Variants in ARHGAP24 observed in about 807,000 individuals in gnomAD.
ARHGAP24 encodes Rho GTPase activating protein 24, also known as rho GTPase-activating protein 24.
ARHGAP24 carries 50 observed loss-of-function variants against 76.4 expected under a neutral mutation model. The ratio of observed to expected loss-of-function variants is 0.65; its 90% confidence interval spans 0.52 to 0.83. The LOEUF is 0.83. Among genes scored for constraint, ARHGAP24 ranks in the 40% least tolerant of loss-of-function variants. The pLI is 0.00. For missense variants in ARHGAP24, 930 were observed against 914.2 expected (o/e 1.02, Z -0.22); for synonymous variants, 345 against 323.3 (o/e 1.07, Z -0.72).
chr4:85,626,318 C>T (rs1720952339), intron 2 of ARHGAP24, among the ~76,000 whole-genome samples: 2 of 152,210 alleles, frequency 1.3e-5, no homozygotes, highest in East Asian at 3.9e-4. Context: ...TTTATTTCTC[C>T]TTCACTTATG....
At chr4:85,577,195 A>G (rs989583436) in intron 2 of ARHGAP24, among the ~76,000 whole-genome samples, 2 of 149,088 alleles carry the variant, frequency 1.3e-5, no homozygotes. Flanking sequence ...GATTCTAGGA[A>G]ATATATATAT....
At chr4:85,770,073 C>T (rs2110078274) in intron 3 of ARHGAP24, among the ~76,000 whole-genome samples, 1 of 152,274 alleles carries the variant, frequency 6.6e-6, no homozygotes, top group African/African-American at 2.4e-5. Flanking sequence ...GCCAATAGCC[C>T]AGCACTGATG....
At chr4:85,623,265 A>T (rs986828764) in intron 2 of ARHGAP24, among the ~76,000 whole-genome samples, 11 of 152,080 alleles carry the variant, frequency 7.2e-5, no homozygotes, top group Admixed American at 7.2e-4. Context: ...TCTTGAATTA[A>T]TTTTTGTATA....
In ARHGAP24 at chr4:85,811,871, A is replaced by G. The variant is rs147343919; in HGVS notation, c.268+89899A>G. Among the ~76,000 whole-genome samples, 4 of 152,282 alleles carry G rather than the reference A, an allele frequency of 2.6e-5. No individual in the cohort carries two copies. In the East Asian group the frequency reaches 7.7e-4, roughly 29 times the overall value. Reference sequence around the variant, plus strand: ...GCTGGTAACATAATTAGTTTTTTCTACCTTTATAATAAATGTGTTTTTGGC... The same window carrying G: ...GCTGGTAACATAATTAGTTTTTTCTGCCTTTATAATAAATGTGTTTTTGGC... On this transcript the variant is annotated intron_variant, in intron 3 of 9. Coordinates refer to ENST00000395184, the MANE Select transcript of ARHGAP24 (RefSeq NM_001025616.3).
intron 2 of ARHGAP24, among the ~76,000 whole-genome samples, chr4:85,605,435 A>G (rs1056504130): frequency 3.9e-5 from 6 of 152,312 alleles, no homozygotes; most frequent in African/African-American, 1.2e-4. Context: ...TCAGAGAAGT[A>G]TACAAATATG....
intron 1 of ARHGAP24, among the ~76,000 whole-genome samples, chr4:85,527,570 T>C (rs566000216): frequency 6.6e-4 from 101 of 152,130 alleles, no homozygotes; most frequent in Non-Finnish European, 1.1e-3. Context: ...CAACCTTATC[T>C]TGCATATGGA....
At chr4:85,962,235 C>A (rs1384498065) in intron 5 of ARHGAP24, among the ~76,000 whole-genome samples, 1 of 151,886 alleles carries the variant, frequency 6.6e-6, no homozygotes, top group Non-Finnish European at 1.5e-5. Flanking sequence ...TGTAAACTCT[C>A]AATGAAAAAA....
intron 2 of ARHGAP24, among the ~76,000 whole-genome samples, chr4:85,682,858 C>T (rs1444833493): frequency 6.6e-6 from 1 of 152,084 alleles, no homozygotes; most frequent in Non-Finnish European, 1.5e-5. Context: ...TCCTGTGTCT[C>T]ACTAAGGTAG....
intron 2 of ARHGAP24, among the ~76,000 whole-genome samples, chr4:85,573,762 T>A (rs139837722): frequency 1.1e-3 from 174 of 152,338 alleles, no homozygotes; most frequent in African/African-American, 4.0e-3. Flanking sequence ...TGTGTATCTG[T>A]GTGTAACAGC....
chr4:85,994,733 A>T lies in ARHGAP24; in HGVS notation c.1079A>T (p.Asn360Ile), dbSNP rs1443457690. The change falls in exon 9 of 10, where the codon AAC (asparagine) becomes ATC (isoleucine). Residue 360 changes from asparagine (N) to isoleucine (I), a missense_variant. Asn to Ile is a moderately radical substitution (Grantham distance 149). Coordinates refer to ENST00000395184, the MANE Select transcript of ARHGAP24 (RefSeq NM_001025616.3). ...QKKATMGQLQ[N>I]KENNNTKDSP... The stretch of plus-strand genomic sequence containing the variant: ...AAAGCCACCATGGGGCAGTTACAGA[A>T]CAAGGAGAACAATAACACCAAGGAC... 1 of 1,614,144 alleles carries T rather than the reference A, an allele frequency of 6.2e-7. No individual in the cohort carries two copies. Among genetic ancestry groups the T allele is most frequent in the South Asian group, 1.1e-5 (1 of 91,078 alleles).
intron 3 of ARHGAP24, among the ~76,000 whole-genome samples, chr4:85,726,650 C>A (rs1020662622): frequency 3.3e-5 from 5 of 152,206 alleles, no homozygotes; most frequent in Admixed American, 6.6e-5. Context: ...CTTCAGCAAC[C>A]AATATACCAG....
At chr4:85,708,387 C>G (rs1024801889) in intron 2 of ARHGAP24, among the ~76,000 whole-genome samples, 1 of 152,096 alleles carries the variant, frequency 6.6e-6, no homozygotes, top group Admixed American at 6.6e-5. Flanking sequence ...CATCTATAAA[C>G]TTTATTTAAA....
chr4:85,744,875 A>T (rs1277449657), intron 3 of ARHGAP24, among the ~76,000 whole-genome samples: 4 of 152,194 alleles, frequency 2.6e-5, no homozygotes, highest in Non-Finnish European at 4.4e-5. Context: ...GAGAATTCTT[A>T]AAGGTAGTCC....
intron 3 of ARHGAP24, among the ~76,000 whole-genome samples, chr4:85,862,953 C>T (rs1731984294): frequency 6.6e-6 from 1 of 152,114 alleles, no homozygotes; most frequent in Non-Finnish European, 1.5e-5. Flanking sequence ...CTCATTCAGA[C>T]ATATTCTCCT....
At chr4:85,973,415 A>G (rs1483034070) in intron 6 of ARHGAP24, among the ~76,000 whole-genome samples, 1 of 152,188 alleles carries the variant, frequency 6.6e-6, no homozygotes, top group East Asian at 1.9e-4. Context: ...GTAAGAGTTT[A>G]TATAGTTTAG....
At chr4:85,859,663 G>T (rs1036805270) in intron 3 of ARHGAP24, among the ~76,000 whole-genome samples, 6 of 152,030 alleles carry the variant, frequency 3.9e-5, no homozygotes, top group African/African-American at 1.4e-4. Flanking sequence ...TGAAGTTTTA[G>T]GGTCCTCACC....
rs1178663864 is a variant in ARHGAP24, at chr4:85,926,750, T to G, written c.391+2980T>G. Among the ~76,000 whole-genome samples the G allele has an allele frequency of 2.8e-5, 4 of 145,384 alleles. No homozygotes were observed. The South Asian group carries it at 9.8e-4, about 36-fold the overall frequency. On this transcript the variant is annotated intron_variant, in intron 4 of 9. Coordinates refer to ENST00000395184, the MANE Select transcript of ARHGAP24 (RefSeq NM_001025616.3). ...ATTTGCAATATTTTAAAACCACTGT[T>G]TTAGTTCAACCTCACATTTTGTGGA...
chr4:85,679,701 A>G (rs1184890318), intron 2 of ARHGAP24, among the ~76,000 whole-genome samples: 1 of 152,090 alleles, frequency 6.6e-6, no homozygotes, highest in African/African-American at 2.4e-5. Context: ...GTACTACACC[A>G]TGTTGGGATG....
At chr4:85,794,663 A>G (rs1447311903) in intron 3 of ARHGAP24, among the ~76,000 whole-genome samples, 1 of 152,118 alleles carries the variant, frequency 6.6e-6, no homozygotes, top group Non-Finnish European at 1.5e-5. Context: ...TTGTATTTTC[A>G]GTAGAGACAG....
Sources: gnomAD v4.1 joint callset for allele counts (sites outside exome capture counted in the v4.1 genomes callset) on GRCh38, gnomAD v4.1.1 for gene constraint, MANE v1.5 for transcripts, NCBI Gene and HGNC (gene_info 2026-07-23, HGNC 2026-07-21) for gene names.